Variants in RNF180 observed in about 807,000 individuals in gnomAD.
RNF180 encodes E3 ubiquitin-protein ligase RNF180.
In RNF180, 38 loss-of-function variants were observed where a neutral mutation model predicts 59.2. That is an observed-to-expected ratio of 0.64 (90% CI 0.50 to 0.84). The LOEUF is 0.84. RNF180 is among the 40% of genes least tolerant of loss of function. The probability of loss-of-function intolerance (pLI) is 0.00; values close to 1 mark genes in which losing one functional copy is unlikely to be tolerated. For synonymous variants in RNF180, 262 were observed against 240.3 expected (o/e 1.09, Z -0.84); for missense variants, 705 against 700.9 (o/e 1.01, Z -0.07).
At chr5:64,262,631 T>C (rs551710217) in intron 5 of RNF180, among the ~76,000 whole-genome samples, 1 of 152,308 alleles carries the variant, frequency 6.6e-6, no homozygotes, top group South Asian at 2.1e-4. Context: ...TTGAGACTGT[T>C]AATTTTCAGA....
chr5:64,325,415 A>G lies in RNF180; in HGVS notation c.1453+4A>G. ...TCTAGAGTCTTTTTCCAAACAGGTA[A>G]CAATTCTCTTTCATTAACATGATTG... On this transcript the variant is annotated splice_donor_region_variant and intron_variant, in intron 6 of 7. Coordinates refer to ENST00000389100, the MANE Select transcript of RNF180 (RefSeq NM_001113561.2). 6.6e-7 allele frequency: 1 copy of G among 1,511,338 alleles called. No individual in the cohort carries two copies. Among genetic ancestry groups the G allele is most frequent in the South Asian group, 1.2e-5 (1 of 83,248 alleles). The allele number at this position is 1,511,338 out of a possible 1,614,324, so 93.6% of individuals were successfully genotyped here.
At chr5:64,188,283 A>T (rs993280661) in intron 1 of RNF180, among the ~76,000 whole-genome samples, 2 of 152,084 alleles carry the variant, frequency 1.3e-5, no homozygotes, top group African/African-American at 4.8e-5. Context: ...TTATATCTAC[A>T]AAAGGAATGT....
At chr5:64,173,161 T>C (rs1355720896) in intron 1 of RNF180, among the ~76,000 whole-genome samples, 1 of 152,202 alleles carries the variant, frequency 6.6e-6, no homozygotes, top group Non-Finnish European at 1.5e-5. Flanking sequence ...TAATTAAGGT[T>C]TTTATTTTCT....
chr5:64,304,481 TA>T (rs1400421508), intron 5 of RNF180, among the ~76,000 whole-genome samples: 5 of 151,534 alleles, frequency 3.3e-5, no homozygotes, highest in Non-Finnish European at 5.9e-5. Flanking sequence ...TGAGAAAAGT[TA>T]ATTGCAGCCC....
intron 7 of RNF180, among the ~76,000 whole-genome samples, chr5:64,356,537 G>T (rs1338638820): frequency 1.3e-5 from 2 of 151,854 alleles, no homozygotes; most frequent in Non-Finnish European, 2.9e-5. Context: ...GACTCAAAAA[G>T]ATAGTTGTAT....
intron 5 of RNF180, among the ~76,000 whole-genome samples, chr5:64,300,163 G>C (rs978020957): frequency 6.6e-6 from 1 of 151,636 alleles, no homozygotes; most frequent in African/African-American, 2.4e-5. Context: ...AAGTGAAAAG[G>C]TGAAAATTCT....
chr5:64,243,839 G>A (rs1017067802), intron 5 of RNF180, among the ~76,000 whole-genome samples: 7 of 152,174 alleles, frequency 4.6e-5, no homozygotes, highest in Non-Finnish European at 7.3e-5. Context: ...ATACAGGACA[G>A]TTCTGGCTAG....
intron 5 of RNF180, among the ~76,000 whole-genome samples, chr5:64,293,549 A>G (rs1195654593): frequency 6.6e-6 from 1 of 152,058 alleles, no homozygotes; most frequent in Non-Finnish European, 1.5e-5. Flanking sequence ...TAATCATTAA[A>G]TATATTATTC....
intron 7 of RNF180, among the ~76,000 whole-genome samples, chr5:64,351,389 C>G (rs1474501408): frequency 6.6e-6 from 1 of 152,036 alleles, no homozygotes; most frequent in Non-Finnish European, 1.5e-5. Flanking sequence ...ATTGAATACC[C>G]TTTATTTATT....
chr5:64,202,522 C>T (rs1561185728), intron 2 of RNF180, among the ~76,000 whole-genome samples: 1 of 152,004 alleles, frequency 6.6e-6, no homozygotes, highest in African/African-American at 2.4e-5. Flanking sequence ...TTTTTGGGGT[C>T]ATGGGGGTAG....
At chr5:64,182,413 TC>T (rs1453184033) in intron 1 of RNF180, among the ~76,000 whole-genome samples, 1 of 152,136 alleles carries the variant, frequency 6.6e-6, no homozygotes, top group East Asian at 1.9e-4. Context: ...TTACTAACAG[TC>T]ATGAGTAACT....
At position 64,212,074 on chromosome 5, in the gene RNF180, G is replaced by C; in HGVS notation, c.145G>C (p.Asp49His). Residue 49 changes from aspartate (D) to histidine (H), a missense_variant, in exon 3 of 8, where the codon GAT becomes CAT. Physicochemically the swap from Asp to His is moderately conservative, Grantham distance 81 (BLOSUM62 -1). Coordinates refer to ENST00000389100, the MANE Select transcript of RNF180 (RefSeq NM_001113561.2). Reference sequence around the variant, plus strand: ...TATTTTTATTTAACAGGATAAAGATGATTCAGTTGATGCTCAAAATATTTG... The same window carrying C: ...TATTTTTATTTAACAGGATAAAGATCATTCAGTTGATGCTCAAAATATTTG... ...LENQVIKDKD[D>H]SVDAQNICHV... 6.3e-7 allele frequency: 1 copy of C among 1,575,048 alleles called. No homozygotes were observed. The highest frequency in any genetic ancestry group is 8.7e-7 in the Non-Finnish European group (1 of 1,144,760).
At chr5:64,330,776 C>T (rs1744870446) in intron 7 of RNF180, among the ~76,000 whole-genome samples, 2 of 152,246 alleles carry the variant, frequency 1.3e-5, no homozygotes, top group Non-Finnish European at 2.9e-5. Flanking sequence ...CGGGGAGGCA[C>T]AAGCCAGGGC....
At chr5:64,181,885 G>A (rs1750604575) in intron 1 of RNF180, among the ~76,000 whole-genome samples, 1 of 151,848 alleles carries the variant, frequency 6.6e-6, no homozygotes, top group Non-Finnish European at 1.5e-5. Context: ...CAGGGATTCT[G>A]CAAATAGTGA....
chr5:64,297,173 G>A (rs1386550474), intron 5 of RNF180, among the ~76,000 whole-genome samples: 1 of 151,960 alleles, frequency 6.6e-6, no homozygotes, highest in East Asian at 1.9e-4. Context: ...CTCATTAAAT[G>A]GTCATATATG....
intron 5 of RNF180, among the ~76,000 whole-genome samples, chr5:64,321,605 TAGATTCA>T (rs1744353731): frequency 1.3e-5 from 2 of 152,190 alleles, no homozygotes; most frequent in African/African-American, 4.8e-5. Flanking sequence ...AAGTAATTTA[TAGATTCA>T]ATGCTATTCT....
chr5:64,178,442 A>G (rs911627985), intron 1 of RNF180, among the ~76,000 whole-genome samples: 13 of 152,304 alleles, frequency 8.5e-5, no homozygotes, highest in African/African-American at 3.1e-4. Context: ...GAAGGTAAAG[A>G]GTAGACTCTG....
rs1046806264 is a variant in RNF180 at position 64,175,675 on chromosome 5, A to T, written c.-1+9722A>T. Among the ~76,000 whole-genome samples, 4 of 152,000 alleles carry T rather than the reference A, an allele frequency of 2.6e-5. No homozygotes were observed. The East Asian group carries it at 7.7e-4, about 29-fold the overall frequency. On this transcript the variant is annotated intron_variant, in intron 1 of 7. Coordinates refer to ENST00000389100, the MANE Select transcript of RNF180 (RefSeq NM_001113561.2). The stretch of plus-strand genomic sequence containing the variant: ...AAATGTCATTGGTATTTTTATAGGG[A>T]TTGCATTAAATCTGTAGATTGCCTT...
At chr5:64,278,105 A>G (rs993539515) in intron 5 of RNF180, among the ~76,000 whole-genome samples, 3 of 152,220 alleles carry the variant, frequency 2.0e-5, no homozygotes, top group Non-Finnish European at 4.4e-5. Context: ...AGAACTTGCC[A>G]TCACTCAACT....
Sources: allele counts gnomAD v4.1 joint callset (sites outside exome capture counted in the v4.1 genomes callset), GRCh38; gene constraint gnomAD v4.1.1; transcripts MANE v1.5; gene names NCBI Gene and HGNC (gene_info 2026-07-23, HGNC 2026-07-21).